The following HDAC3 variants were observed in gnomAD, a reference collection of about 807,000 sequenced individuals.
HDAC3 encodes histone deacetylase 3, also known as SMAP45.
HDAC3 carries 21 observed loss-of-function variants against 62.3 expected under a neutral mutation model. The ratio of observed to expected loss-of-function variants is 0.34; its 90% CI spans 0.24 to 0.49. HDAC3 has a LOEUF of 0.49. Ranked by LOEUF, HDAC3 falls within the 20% of genes least tolerant of loss-of-function variation. The pLI, the probability that HDAC3 is intolerant of heterozygous loss-of-function variation, is 0.99. For missense variants in HDAC3, 270 were observed against 556.9 expected (o/e 0.48, Z 5.19); for synonymous variants, 198 against 206.5 (o/e 0.96, Z 0.35).
chr5:141,628,596 A>G lies in HDAC3; in HGVS notation c.654T>C (p.Cys218=), dbSNP rs1363116196. ...EVGAESGRYY[C]LNVPLRDGID... ...TGCCATCCCGCAGGGGCACGTTCAG[A>G]CAGTAGTAGCGGCCACTCTCTGCCC... is the stretch of plus-strand genomic sequence containing the variant. Residue 218 remains cysteine, a synonymous_variant, in exon 8 of 15, where the codon TGT becomes TGC. Coordinates refer to ENST00000305264, the MANE Select transcript of HDAC3 (RefSeq NM_003883.4). The surrounding 1 kb of genome is among the most constrained non-coding windows in gnomAD (Gnocchi z 4.7). 6.2e-7 allele frequency: 1 copy of G among 1,614,078 alleles called. No homozygotes were observed. The highest frequency in any genetic ancestry group is 1.7e-5 in the Admixed American group (1 of 60,002).
At position 141,625,014 on chromosome 5, in the gene HDAC3, G is replaced by C; in HGVS notation, c.1217+194C>G. Reference sequence around the variant, plus strand: ...GTGAACGCCAACACCATATTTTGGTGCTGTTTTAAAATTTTGCAATAAATA... The same window carrying C: ...GTGAACGCCAACACCATATTTTGGTCCTGTTTTAAAATTTTGCAATAAATA... On this transcript the variant is annotated intron_variant, in intron 14 of 14. Coordinates refer to ENST00000305264, the MANE Select transcript of HDAC3 (RefSeq NM_003883.4). This position sits in a 1 kb window ranked among gnomAD's most constrained non-coding sequence, Gnocchi z 4.0. The C allele has an allele frequency of 3.5e-6, 2 of 574,210 alleles. No individual in the cohort carries two copies. Among genetic ancestry groups the C allele is most frequent in the South Asian group, 4.6e-5 (2 of 43,368 alleles). The allele number at this position is 574,210 out of a possible 1,614,324, so 35.6% of individuals were successfully genotyped here. A position where few individuals can be genotyped will look rare whatever the true frequency, so the allele number is the denominator to read the frequency against.
Position 141,629,479 on chromosome 5 carries a change from G to T in HDAC3, c.477-173C>A, listed in dbSNP as rs1055312268. ...GCTCCAGCCTAGAGGCTAGAGGCAG[G>T]GACAGGAGAGGGATATGCAGAGAAG... On this transcript the variant is annotated intron_variant, in intron 6 of 14. Coordinates refer to ENST00000305264, the MANE Select transcript of HDAC3 (RefSeq NM_003883.4). This position sits in a 1 kb window ranked among gnomAD's most constrained non-coding sequence, Gnocchi z 5.3. The T allele has an allele frequency of 2.1e-6, 2 of 945,922 alleles. No homozygotes were observed. The highest frequency in any genetic ancestry group is 2.3e-5 in the Admixed American group (1 of 43,430). The allele number at this position is 945,922 out of a possible 1,614,324, so 58.6% of individuals were successfully genotyped here.
At chr5:141,636,437 C>T (rs2099906016) in intron 2 of HDAC3, 111 bp downstream of exon 2, 3 of 937,072 alleles carry the variant, frequency 3.2e-6, no homozygotes, top group Admixed American at 1.9e-5. Flanking sequence ...CTATCCAGCT[C>T]CCCGATACTC....
chr5:141,631,718 T>C (rs2099905245), intron 3 of HDAC3, among the ~76,000 whole-genome samples: 1 of 152,188 alleles, frequency 6.6e-6, no homozygotes, highest in African/African-American at 2.4e-5. Flanking sequence ...CTACTAATGA[T>C]AGTGAGGTTG....
intron 3 of HDAC3, among the ~76,000 whole-genome samples, chr5:141,634,387 A>G (rs1481373882): frequency 1.3e-5 from 2 of 151,900 alleles, no homozygotes; most frequent in African/African-American, 4.8e-5. Flanking sequence ...ACTTGTCCCT[A>G]CTGCCTGCTA....
intron 2 of HDAC3, among the ~76,000 whole-genome samples, chr5:141,635,504 C>G (rs1328623846): frequency 1.3e-5 from 2 of 152,260 alleles, no homozygotes; most frequent in East Asian, 3.8e-4. Context: ...AACATCACCT[C>G]AGTCTTTTCT....
Position 141,621,513 on chromosome 5 carries a change from A to G in HDAC3, c.1242T>C (p.Tyr414=), listed in dbSNP as rs748980609. The G allele has an allele frequency of 6.2e-7, 1 of 1,614,040 alleles. No individual in the cohort carries two copies. The highest frequency in any genetic ancestry group is 2.2e-5 in the East Asian group (1 of 44,858). Residue 414 remains tyrosine, a synonymous_variant, in exon 15 of 15, where the codon TAT becomes TAC. Transcript: ENST00000305264. ...CCTTGTCATTGTCATGGTCTCCATC[A>G]TAGAACTCATTGGGTGCCTCTGGCC... ...YSRPEAPNEF[Y]DGDHDNDKES...
intron 3 of HDAC3, among the ~76,000 whole-genome samples, chr5:141,630,849 CTTT>C (rs1174933606): frequency 1.5e-5 from 2 of 135,658 alleles, no homozygotes; most frequent in Admixed American, 7.4e-5. Flanking sequence ...ACCTTGATAC[CTTT>C]TTTTTTTTTT....
Position 141,625,471 on chromosome 5 carries a change from G to A in HDAC3, c.1060-106C>T. On this transcript the variant is annotated intron_variant, in intron 13 of 14. Transcript: ENST00000305264. This position sits in a 1 kb window ranked among gnomAD's most constrained non-coding sequence, Gnocchi z 4.0. ...TACCATACTGGTTTTCATCTCAGTGGTACCTCTAGTTCAGGTCCCCCAACT... is the reference window on the plus strand; with the variant it reads ...TACCATACTGGTTTTCATCTCAGTGATACCTCTAGTTCAGGTCCCCCAACT... 7.5e-7 allele frequency: 1 copy of A among 1,325,570 alleles called. No individual in the cohort carries two copies. The highest frequency in any genetic ancestry group is 1.1e-6 in the Non-Finnish European group (1 of 928,622). The allele number at this position is 1,325,570 out of a possible 1,614,324, so 82.1% of individuals were successfully genotyped here. A position where few individuals can be genotyped will look rare whatever the true frequency, so the allele number is the denominator to read the frequency against.
rs1366791408 is a variant in HDAC3 at position 141,625,776 on chromosome 5, G to A, written c.980-12C>T. ...GTACTCGAAGTATTCTTGGGGAGGA[G>A]AGGAGAAAGTATGGCTCAGACTGAG... On this transcript the variant is annotated splice_polypyrimidine_tract_variant and intron_variant, in intron 12 of 14. Coordinates refer to ENST00000305264, the MANE Select transcript of HDAC3 (RefSeq NM_003883.4). This position sits in a 1 kb window ranked among gnomAD's most constrained non-coding sequence, Gnocchi z 4.0. 6.2e-7 allele frequency: 1 copy of A among 1,612,222 alleles called. No individual in the cohort carries two copies. Among genetic ancestry groups the A allele is most frequent in the Non-Finnish European group, 8.5e-7 (1 of 1,178,366 alleles).
chr5:141,634,704 C>T (rs2099905723), intron 3 of HDAC3, 107 bp downstream of exon 3: 2 of 1,001,224 alleles, frequency 2.0e-6, no homozygotes, highest in South Asian at 1.6e-5. Flanking sequence ...AATTATGATG[C>T]ATTGACAAGT....
chr5:141,629,600 G>A lies in HDAC3; in HGVS notation c.476+84C>T, dbSNP rs531021691. 17 of 1,327,626 alleles carry A rather than the reference G, an allele frequency of 1.3e-5. No individual in the cohort carries two copies. Among genetic ancestry groups the A allele is most frequent in the Non-Finnish European group, 1.8e-5 (17 of 934,420 alleles). The allele number at this position is 1,327,626 out of a possible 1,614,324, so 82.2% of individuals were successfully genotyped here. A position where few individuals can be genotyped will look rare whatever the true frequency, so the allele number is the denominator to read the frequency against. ...TTGGGAGAAGCTAATCAGGGAGGAG[G>A]GAGGTCAAGGTCAGGGTTGAGACTG... On this transcript the variant is annotated intron_variant, in intron 6 of 14. Coordinates refer to ENST00000305264, the MANE Select transcript of HDAC3 (RefSeq NM_003883.4). The surrounding 1 kb of genome is among the most constrained non-coding windows in gnomAD (Gnocchi z 5.3).
At position 141,626,818 on chromosome 5, in the gene HDAC3, A is replaced by C. The variant is rs1284254777; in HGVS notation, c.831-535T>G. On this transcript the variant is annotated intron_variant, in intron 10 of 14. Transcript: ENST00000305264. This position sits in a 1 kb window ranked among gnomAD's most constrained non-coding sequence, Gnocchi z 4.6. ...TATATATACACACACACACACACAC[A>C]CCTCTCAGATCATCTACTTCTCTCC... Among the ~76,000 whole-genome samples, 1 of 138,478 alleles carries C rather than the reference A, an allele frequency of 7.2e-6. No individual in the cohort carries two copies. Among genetic ancestry groups the C allele is most frequent in the Non-Finnish European group, 1.6e-5 (1 of 64,470 alleles). 90.8% of individuals were successfully genotyped at this position (138,478 alleles called of 152,430 possible).
At position 141,625,914 on chromosome 5, in the gene HDAC3, T is replaced by C; in HGVS notation, c.979+99A>G. ...CCCAGGGGTTTAGTCTGCAGAGCTC[T>C]GAGAGTGTAAAATTTCCCATGTGCC... On this transcript the variant is annotated intron_variant, in intron 12 of 14. Transcript: ENST00000305264. The surrounding 1 kb of genome is among the most constrained non-coding windows in gnomAD (Gnocchi z 4.0). The C allele has an allele frequency of 7.6e-7, 1 of 1,324,138 alleles. No individual in the cohort carries two copies. Among genetic ancestry groups the C allele is most frequent in the Non-Finnish European group, 1.1e-6 (1 of 915,912 alleles). 82.0% of individuals were successfully genotyped at this position (1,324,138 alleles called of 1,614,324 possible).
chr5:141,629,764 A>C lies in HDAC3; in HGVS notation c.421-25T>G. 6.2e-7 allele frequency: 1 copy of C among 1,613,774 alleles called. No individual in the cohort carries two copies. The highest frequency in any genetic ancestry group is 2.2e-5 in the East Asian group (1 of 44,868). The stretch of plus-strand genomic sequence containing the variant: ...CCTATGGCAAGACAGTGGTCTCATA[A>C]AGAGAAGAGCAATTCCCCTCCCAGC... On this transcript the variant is annotated intron_variant, in intron 5 of 14. Transcript: ENST00000305264. The surrounding 1 kb of genome is among the most constrained non-coding windows in gnomAD (Gnocchi z 5.3).
In HDAC3 at chr5:141,628,504, T is replaced by A. The variant is rs2099904766; in HGVS notation, c.691+55A>T. On this transcript the variant is annotated intron_variant, in intron 8 of 14. Coordinates refer to ENST00000305264, the MANE Select transcript of HDAC3 (RefSeq NM_003883.4). This position sits in a 1 kb window ranked among gnomAD's most constrained non-coding sequence, Gnocchi z 4.7. Reference sequence around the variant, plus strand: ...AGACAATACCAGGCAGAAGAGGTTATTTCAAGGAGAAAAAGAAGGGGCCTA... The same window carrying A: ...AGACAATACCAGGCAGAAGAGGTTAATTCAAGGAGAAAAAGAAGGGGCCTA... The A allele has an allele frequency of 1.1e-5, 16 of 1,416,478 alleles. No homozygotes were observed. Among genetic ancestry groups the A allele is most frequent in the Non-Finnish European group, 1.6e-5 (16 of 1,000,136 alleles). The allele number at this position is 1,416,478 out of a possible 1,614,324, so 87.7% of individuals were successfully genotyped here.
In HDAC3 at chr5:141,625,798, T is replaced by G; in HGVS notation, c.980-34A>C. 2 of 1,588,016 alleles carry G rather than the reference T, an allele frequency of 1.3e-6. No homozygotes were observed. The highest frequency in any genetic ancestry group is 1.7e-6 in the Non-Finnish European group (2 of 1,156,160). On this transcript the variant is annotated intron_variant, in intron 12 of 14. Coordinates refer to ENST00000305264, the MANE Select transcript of HDAC3 (RefSeq NM_003883.4). The surrounding 1 kb of genome is among the most constrained non-coding windows in gnomAD (Gnocchi z 4.0). The stretch of plus-strand genomic sequence containing the variant: ...GGAGAGGAGAAAGTATGGCTCAGAC[T>G]GAGAAAGGCAGCTAACAAGACTTCC...
In HDAC3 at chr5:141,626,768, ATGTGTG is replaced by A. The variant is rs533488025; in HGVS notation, c.831-491_831-486del. The stretch of plus-strand genomic sequence containing the variant: ...AAAAAAGAAAAAAAAAAACATATAT[ATGTGTG>A]TGTGTGTGTGTATATATATATATAT... On this transcript the variant is annotated intron_variant, in intron 10 of 14. Coordinates refer to ENST00000305264, the MANE Select transcript of HDAC3 (RefSeq NM_003883.4). This position sits in a 1 kb window ranked among gnomAD's most constrained non-coding sequence, Gnocchi z 4.6. 1.5e-5 allele frequency among the ~76,000 whole-genome samples: 2 copies of A among 133,220 alleles called. No homozygotes were observed. The highest frequency in any genetic ancestry group is 1.5e-4 in the Admixed American group (2 of 13,086). 87.4% of individuals were successfully genotyped at this position (133,220 alleles called of 152,430 possible).
At chr5:141,623,847 G>A (rs1344251328) in intron 14 of HDAC3, among the ~76,000 whole-genome samples, 39 of 152,092 alleles carry the variant, frequency 2.6e-4, no homozygotes, top group Admixed American at 2.3e-3. Flanking sequence ...GTGTCCAGCT[G>A]TGGTTATCCC....
Sources: allele counts gnomAD v4.1 joint callset (sites outside exome capture counted in the v4.1 genomes callset), GRCh38; gene constraint gnomAD v4.1.1; non-coding constraint Gnocchi (gnomAD v3.1); transcripts MANE v1.5; gene names NCBI Gene and HGNC (gene_info 2026-07-23, HGNC 2026-07-21).